SYNE2: variants seen among roughly 807,000 people sequenced by gnomAD.
The protein encoded by SYNE2 is spectrin repeat containing nuclear envelope protein 2.
Under a neutral mutation model 856.3 loss-of-function variants are expected in SYNE2, and 431 were observed. The observed-to-expected ratio is 0.50, with a 90% CI of 0.47 to 0.55. The LOEUF (loss-of-function observed/expected upper bound fraction) is 0.55, where lower values mean the gene tolerates loss of function less well. SYNE2 is among the 20% of genes least tolerant of loss of function. SYNE2 has a pLI of 0.00. For synonymous variants in SYNE2, 2,923 were observed against 2,872.3 expected (o/e 1.02, Z -0.56); for missense variants, 8,129 against 8,023.2 (o/e 1.01, Z -0.50).
At chr14:64,204,994 G>A (rs1347475648) in intron 100 of SYNE2, among the ~76,000 whole-genome samples, 2 of 152,056 alleles carry the variant, frequency 1.3e-5, no homozygotes, top group African/African-American at 4.8e-5. Flanking sequence ...CTTCAACGCC[G>A]TCAACATTGC....
In SYNE2 at chr14:63,982,795, G is replaced by C; in HGVS notation, c.2001+1G>C. 1 of 1,613,760 alleles carries C rather than the reference G, an allele frequency of 6.2e-7. No homozygotes were observed. The highest frequency in any genetic ancestry group is 8.5e-7 in the Non-Finnish European group (1 of 1,179,766). Reference sequence around the variant, plus strand: ...AAAGTTGGTTTCAAAAACTCAACTTGTAAGTTCTTTTGATTGGTTGCAGCT... The same window carrying C: ...AAAGTTGGTTTCAAAAACTCAACTTCTAAGTTCTTTTGATTGGTTGCAGCT... On this transcript the variant is annotated splice_donor_variant, in intron 17 of 115. Transcript: ENST00000555002. LOFTEE classifies it high-confidence loss of function.
At chr14:64,139,139 C>T (rs542060015) in intron 79 of SYNE2, among the ~76,000 whole-genome samples, 10 of 151,936 alleles carry the variant, frequency 6.6e-5, no homozygotes, top group African/African-American at 2.2e-4. Context: ...CATGCCACCA[C>T]GCCCTGCTAA....
At chr14:63,894,028 C>T (rs1332334859) in intron 1 of SYNE2, among the ~76,000 whole-genome samples, 1 of 152,110 alleles carries the variant, frequency 6.6e-6, no homozygotes, top group East Asian at 1.9e-4. Context: ...GGAAAAAGGC[C>T]AGTTCACCTC....
chr14:63,904,503 G>A (rs1451027376), intron 1 of SYNE2, among the ~76,000 whole-genome samples: 2 of 151,874 alleles, frequency 1.3e-5, no homozygotes, highest in African/African-American at 2.4e-5. Context: ...ACTTTTAGTA[G>A]TAGCCATTCT....
At chr14:64,076,565 A>C (rs1329950415) in intron 54 of SYNE2, among the ~76,000 whole-genome samples, 9 of 152,176 alleles carry the variant, frequency 5.9e-5, no homozygotes, top group Admixed American at 5.9e-4. Context: ...CAGAATTCTC[A>C]TGAAAAGTAC....
intron 1 of SYNE2, among the ~76,000 whole-genome samples, chr14:63,902,592 A>C (rs2095353065): frequency 6.6e-6 from 1 of 152,156 alleles, no homozygotes; most frequent in Non-Finnish European, 1.5e-5. Context: ...AGAGGAGTCA[A>C]AACACAGTGA....
At chr14:64,007,346 C>T in intron 31 of SYNE2, 124 bp downstream of exon 31, 2 of 915,514 alleles carry the variant, frequency 2.2e-6, no homozygotes, top group Non-Finnish European at 3.6e-6. Context: ...ATAAGGATTT[C>T]CTGCTGGAGT....
intron 103 of SYNE2, among the ~76,000 whole-genome samples, 185 bp from the exon 104 acceptor site, chr14:64,211,776 A>G (rs557085483): frequency 8.5e-4 from 129 of 152,242 alleles, no homozygotes; most frequent in African/African-American, 2.9e-3. Flanking sequence ...TGGTCTCACA[A>G]AGCCAGAACC....
At chr14:63,778,994 C>T (rs1595101667) in intron 1 of SYNE2, among the ~76,000 whole-genome samples, 1 of 151,924 alleles carries the variant, frequency 6.6e-6, no homozygotes, top group African/African-American at 2.4e-5. Flanking sequence ...ATCAATGTTA[C>T]CTCAGTAAAG....
chr14:64,200,947 C>T (rs1220791645), intron 99 of SYNE2, among the ~76,000 whole-genome samples: 2 of 152,206 alleles, frequency 1.3e-5, no homozygotes, highest in African/African-American at 2.4e-5. Flanking sequence ...GAATAAAACA[C>T]TGATGAAAGA....
chr14:64,120,910 T>G lies in SYNE2; in HGVS notation c.13024-17T>G. On this transcript the variant is annotated splice_polypyrimidine_tract_variant and intron_variant, in intron 67 of 115. Transcript: ENST00000555002. ...TTTTTAAAAATAAATAGCCTGCCAT[T>G]ATGAAATGTTTTGCAGCATCCTACC... 1.2e-6 allele frequency: 2 copies of G among 1,613,918 alleles called. No homozygotes were observed. Among genetic ancestry groups the G allele is most frequent in the Non-Finnish European group, 1.7e-6 (2 of 1,179,864 alleles).
At chr14:63,832,116 A>G (rs1392745333) in intron 1 of SYNE2, among the ~76,000 whole-genome samples, 3 of 152,066 alleles carry the variant, frequency 2.0e-5, no homozygotes, top group Admixed American at 1.3e-4. Context: ...ATGCTACTAA[A>G]TTATGATTTT....
chr14:64,118,727 G>A (rs968320101), intron 66 of SYNE2, among the ~76,000 whole-genome samples: 13 of 152,022 alleles, frequency 8.6e-5, no homozygotes, highest in Non-Finnish European at 1.8e-4. Flanking sequence ...TGGGCGTGGT[G>A]GCGCACTCTT....
intron 1 of SYNE2, among the ~76,000 whole-genome samples, chr14:63,762,673 C>T (rs1222152268): frequency 6.7e-6 from 1 of 149,308 alleles, no homozygotes; most frequent in Non-Finnish European, 1.5e-5. Context: ...TGGGCTCAAA[C>T]AATCCACCCG....
At chr14:63,816,562 G>A (rs967966295) in intron 1 of SYNE2, among the ~76,000 whole-genome samples, 1 of 151,934 alleles carries the variant, frequency 6.6e-6, no homozygotes, top group African/African-American at 2.4e-5. Flanking sequence ...TAAAATCTAG[G>A]AAGAATTTTC....
At position 64,027,810 on chromosome 14, in the gene SYNE2, A is replaced by C. The variant is rs910718478; in HGVS notation, c.6714+17A>C. 6.3e-7 allele frequency: 1 copy of C among 1,591,300 alleles called. No homozygotes were observed. On this transcript the variant is annotated intron_variant, in intron 43 of 115. Transcript: ENST00000555002. ...CAACTGCAGGTGAGGTGGTCAAAAT[A>C]ATGCTTTAAATGATTGTTCTAATTA... is the stretch of plus-strand genomic sequence containing the variant.
At position 63,990,976 on chromosome 14, in the gene SYNE2, A is replaced by T; in HGVS notation, c.2507A>T (p.Asn836Ile). The change falls in exon 21 of 116, where the codon AAC becomes ATC. Residue 836 changes from asparagine (N) to isoleucine (I), a missense_variant. Asn to Ile is a moderately radical substitution (Grantham distance 149, BLOSUM62 -3). Coordinates refer to ENST00000555002, the MANE Select transcript of SYNE2 (RefSeq NM_182914.3). ...GTAAAACTCATTGCAGCGTTGAAGA[A>T]CTTAACTGACGTTTCACCAGATTTG... ...NVVKLIAALK[N>I]LTDVSPDLDI... 6.2e-7 allele frequency: 1 copy of T among 1,614,186 alleles called. No homozygotes were observed. Among genetic ancestry groups the T allele is most frequent in the African/African-American group, 1.3e-5 (1 of 75,064 alleles).
chr14:63,991,092 G>A lies in SYNE2; in HGVS notation c.2623G>A (p.Gly875Ser), dbSNP rs368993863. The A allele has an allele frequency of 1.6e-5, 26 of 1,613,880 alleles. No individual in the cohort carries two copies. The highest frequency in any genetic ancestry group is 2.0e-5 in the Non-Finnish European group (24 of 1,179,952). The part of the protein sequence containing the change: ...QQLLGQRESP[G>S]ELISKHKEAL... ...GTTACTGGGGCAAAGAGAGAGCCCC[G>A]GTGAACTCATTTCAAAACACAAGGT... The change falls in exon 21 of 116, where the codon GGT becomes AGT. Residue 875 changes from glycine (G) to serine (S), a missense_variant. Gly to Ser is a moderately conservative substitution (Grantham distance 56). Transcript: ENST00000555002.
At chr14:64,176,779 TTTTATTTA>T (rs370375972) in intron 95 of SYNE2, among the ~76,000 whole-genome samples, 165 of 150,372 alleles carry the variant, frequency 1.1e-3, no homozygotes, top group Middle Eastern at 3.4e-3. Context: ...ACTTTTTTAT[TTTTATTTA>T]TTTATTTATT....
Sources: gnomAD v4.1 joint callset for allele counts (sites outside exome capture counted in the v4.1 genomes callset) on GRCh38, gnomAD v4.1.1 for gene constraint, MANE v1.5 for transcripts, NCBI Gene and HGNC (gene_info 2026-07-23, HGNC 2026-07-21) for gene names.